Variants in PIK3CB observed in about 807,000 individuals in gnomAD.
PIK3CB encodes the protein phosphatidylinositol 4,5-bisphosphate 3-kinase catalytic subunit beta isoform.
PIK3CB carries 39 observed loss-of-function variants against 136.8 expected under a neutral mutation model. The observed-to-expected ratio is 0.29, with a 90% confidence interval of 0.22 to 0.37. PIK3CB has a LOEUF of 0.37. Ranked by LOEUF, PIK3CB falls within the 10% of genes least tolerant of loss-of-function variation. The pLI is 1.00. For missense variants in PIK3CB, 868 were observed against 1,275.4 expected (o/e 0.68, Z 4.87); for synonymous variants, 428 against 436.6 (o/e 0.98, Z 0.25).
intron 8 of PIK3CB, among the ~76,000 whole-genome samples, chr3:138,718,857 T>C (rs1576354284): frequency 6.6e-6 from 1 of 152,200 alleles, no homozygotes; most frequent in Non-Finnish European, 1.5e-5. Context: ...TGGTCGTAGG[T>C]GTGCAGCCTT....
At chr3:138,812,083 C>T (rs185843923) in intron 1 of PIK3CB, among the ~76,000 whole-genome samples, 350 of 151,752 alleles carry the variant, frequency 2.3e-3, no homozygotes, top group African/African-American at 8.0e-3. Context: ...AGGGCAAGAC[C>T]GTATCTCTAA....
intron 15 of PIK3CB, among the ~76,000 whole-genome samples, chr3:138,689,831 T>A (rs1276856260): frequency 2.0e-5 from 3 of 152,238 alleles, no homozygotes; most frequent in Non-Finnish European, 4.4e-5. Context: ...GTCTAAAATG[T>A]GTACATCTTA....
chr3:138,800,636 TA>T (rs2108839616), intron 1 of PIK3CB, among the ~76,000 whole-genome samples: 1 of 152,142 alleles, frequency 6.6e-6, no homozygotes, highest in Admixed American at 6.5e-5. Context: ...TTATTATTAT[TA>T]TTTTTGAGAC....
chr3:138,684,647 A>G lies in PIK3CB; in HGVS notation c.2293T>C (p.Cys765Arg). Residue 765 changes from cysteine to arginine, a missense_variant, in exon 17 of 24, where the codon TGT (cysteine) becomes CGT (arginine). Physicochemically the swap from Cys to Arg is radical, Grantham distance 180 (BLOSUM62 -3). This residue lies in a region of PIK3CB where 165 missense variants were observed against 295.4 expected (regional missense o/e 0.56). Coordinates refer to ENST00000674063, the MANE Select transcript of PIK3CB (RefSeq NM_006219.3). Reference protein sequence around the residue: ...LSDLQSPLNPCVILSELYVEK... With the variant: ...LSDLQSPLNPRVILSELYVEK... The stretch of plus-strand genomic sequence containing the variant: ...TACTAGAGTTCTGAGAGGATAACAC[A>G]TGGGTTCAGGGGTGACTGCAGGTCA... The G allele has an allele frequency of 4.3e-6, 7 of 1,610,506 alleles. No individual in the cohort carries two copies. The highest frequency in any genetic ancestry group is 5.1e-6 in the Non-Finnish European group (6 of 1,178,748).
intron 9 of PIK3CB, among the ~76,000 whole-genome samples, 187 bp downstream of exon 9, chr3:138,714,281 T>C (rs1490814563): frequency 1.3e-5 from 2 of 152,096 alleles, no homozygotes; most frequent in Non-Finnish European, 2.9e-5. Context: ...TGCATGAACA[T>C]AAACATAAAT....
intron 8 of PIK3CB, among the ~76,000 whole-genome samples, chr3:138,726,309 G>A (rs1451713494): frequency 6.6e-6 from 1 of 152,170 alleles, no homozygotes; most frequent in Non-Finnish European, 1.5e-5. Context: ...TAGTAGGCTG[G>A]GGTTCCCCTT....
intron 13 of PIK3CB, among the ~76,000 whole-genome samples, chr3:138,696,349 A>AT (rs2044137967): frequency 6.6e-6 from 1 of 151,658 alleles, no homozygotes; most frequent in African/African-American, 2.4e-5. Flanking sequence ...TGCCCAGCTA[A>AT]TTTTATTTCA....
intron 16 of PIK3CB, 82 bp downstream of exon 16, chr3:138,688,793 A>T: frequency 1.3e-6 from 1 of 784,096 alleles, no homozygotes; most frequent in Non-Finnish European, 2.2e-6. Context: ...ATTGAACATG[A>T]AGATTAAAAC....
chr3:138,730,684 A>G (rs1038850421), intron 8 of PIK3CB, among the ~76,000 whole-genome samples: 3 of 152,180 alleles, frequency 2.0e-5, no homozygotes, highest in Non-Finnish European at 4.4e-5. Context: ...GTGCTTTGAG[A>G]GGCCAAAGCA....
At chr3:138,686,777 G>A (rs992444546) in intron 16 of PIK3CB, among the ~76,000 whole-genome samples, 1 of 152,154 alleles carries the variant, frequency 6.6e-6, no homozygotes, top group African/African-American at 2.4e-5. Flanking sequence ...TATGTAGGGA[G>A]ATGAATTCAA....
At chr3:138,784,775 G>A (rs1342593373) in intron 2 of PIK3CB, among the ~76,000 whole-genome samples, 5 of 152,172 alleles carry the variant, frequency 3.3e-5, no homozygotes, top group African/African-American at 1.2e-4. Context: ...ATCTCAGCTC[G>A]CTATAACCTC....
At chr3:138,783,606 A>T (rs1477681759) in intron 2 of PIK3CB, among the ~76,000 whole-genome samples, 1 of 152,122 alleles carries the variant, frequency 6.6e-6, no homozygotes, top group Non-Finnish European at 1.5e-5. Flanking sequence ...AACAGAGACA[A>T]TGTAAGACAG....
chr3:138,797,948 G>C (rs1448412267), intron 1 of PIK3CB, among the ~76,000 whole-genome samples: 1 of 151,198 alleles, frequency 6.6e-6, no homozygotes, highest in East Asian at 1.9e-4. Context: ...AATAGACCCT[G>C]TCTCAAAAAA....
chr3:138,721,516 A>G (rs761306032), intron 8 of PIK3CB, among the ~76,000 whole-genome samples: 9 of 152,196 alleles, frequency 5.9e-5, no homozygotes, highest in Non-Finnish European at 1.2e-4. Context: ...GTGTGCATAT[A>G]TATGTATATA....
At chr3:138,674,498 A>G (rs552391464) in intron 19 of PIK3CB, among the ~76,000 whole-genome samples, 1 of 152,170 alleles carries the variant, frequency 6.6e-6, no homozygotes, top group South Asian at 2.1e-4. Flanking sequence ...AGTTCAAAAA[A>G]GTCACTAAAA....
intron 21 of PIK3CB, among the ~76,000 whole-genome samples, chr3:138,659,867 T>C (rs1052633335): frequency 3.8e-5 from 1 of 26,366 alleles, no homozygotes; most frequent in Non-Finnish European, 6.3e-5. Context: ...TTTCCTCTTC[T>C]TTTTTTTTTT....
At chr3:138,822,545 A>G (rs1933602955) in intron 1 of PIK3CB, among the ~76,000 whole-genome samples, 1 of 151,872 alleles carries the variant, frequency 6.6e-6, no homozygotes, top group Admixed American at 6.6e-5. Flanking sequence ...CAAAAATAAA[A>G]GAAAAAGAAA....
At chr3:138,811,506 A>C (rs1306173526) in intron 1 of PIK3CB, among the ~76,000 whole-genome samples, 1 of 150,370 alleles carries the variant, frequency 6.7e-6, no homozygotes, top group Non-Finnish European at 1.5e-5. Context: ...GCTCACTGCA[A>C]CCTCCGCCTC....
At chr3:138,675,007 G>A (rs1047443460) in intron 19 of PIK3CB, among the ~76,000 whole-genome samples, 6 of 152,082 alleles carry the variant, frequency 3.9e-5, no homozygotes, top group East Asian at 1.9e-4. Context: ...TCAGTGAGCC[G>A]AGACCGCGCC....
Sources: allele counts gnomAD v4.1 joint callset (sites outside exome capture counted in the v4.1 genomes callset), GRCh38; gene constraint gnomAD v4.1.1; regional missense constraint gnomAD v4.1.1; transcripts MANE v1.5; gene names NCBI Gene and HGNC (gene_info 2026-07-23, HGNC 2026-07-21).